The following DOCK1 variants were observed in gnomAD, a reference collection of about 807,000 sequenced individuals.
The protein encoded by DOCK1 is dedicator of cytokinesis 1.
Under a neutral mutation model 262.7 loss-of-function variants are expected in DOCK1, and 138 were observed. The ratio of observed to expected loss-of-function variants is 0.53; its 90% CI spans 0.46 to 0.61. DOCK1 has a LOEUF of 0.61. Ranked by LOEUF, DOCK1 falls within the 20% of genes least tolerant of loss-of-function variation. DOCK1 has a pLI of 0.00. For missense variants in DOCK1, 1,908 were observed against 2,370.7 expected (o/e 0.80, Z 4.05); for synonymous variants, 866 against 867.4 (o/e 1.00, Z 0.03).
intron 28 of DOCK1, among the ~76,000 whole-genome samples, chr10:127,252,570 G>T (rs1395287436): frequency 6.7e-6 from 1 of 149,898 alleles, no homozygotes; most frequent in Non-Finnish European, 1.5e-5. Context: ...TGTATAAGGT[G>T]TAAGGAAGGG....
chr10:127,129,077 T>C (rs1162287742), intron 27 of DOCK1, among the ~76,000 whole-genome samples: 4 of 152,120 alleles, frequency 2.6e-5, no homozygotes, highest in African/African-American at 9.7e-5. Context: ...TTGGACAGCA[T>C]AGTCAGAACG....
chr10:126,928,105 G>A (rs985720842), intron 1 of DOCK1, among the ~76,000 whole-genome samples: 15 of 152,302 alleles, frequency 9.8e-5, no homozygotes, highest in African/African-American at 3.4e-4. Flanking sequence ...GCCTCGTGTC[G>A]CTCGTTGGAG....
chr10:126,979,341 A>C (rs2134801377), intron 3 of DOCK1, among the ~76,000 whole-genome samples: 1 of 152,240 alleles, frequency 6.6e-6, no homozygotes, highest in Non-Finnish European at 1.5e-5. Flanking sequence ...TGCTGGTCAT[A>C]ATGAGTGAGA....
At chr10:127,351,197 C>T (rs538219406) in intron 31 of DOCK1, among the ~76,000 whole-genome samples, 3 of 152,226 alleles carry the variant, frequency 2.0e-5, no homozygotes, top group African/African-American at 4.8e-5. Context: ...TCTCCCTGGA[C>T]GATAGGAAGT....
At chr10:127,240,775 T>C (rs1314113564) in intron 27 of DOCK1, among the ~76,000 whole-genome samples, 2 of 152,170 alleles carry the variant, frequency 1.3e-5, no homozygotes, top group African/African-American at 4.8e-5. Flanking sequence ...TGAAAACACA[T>C]GTGTGAGAAA....
intron 38 of DOCK1, among the ~76,000 whole-genome samples, chr10:127,397,540 A>G (rs111865794): frequency 1.4e-5 from 2 of 146,622 alleles, no homozygotes; most frequent in South Asian, 2.2e-4. Context: ...GGTGTCTCCT[A>G]TGTGATCTGA....
chr10:127,409,206 C>T, intron 41 of DOCK1, 28 bp downstream of exon 41: 1 of 1,612,886 alleles, frequency 6.2e-7, no homozygotes, highest in Non-Finnish European at 8.5e-7. Flanking sequence ...CTCATCAACT[C>T]TGAAACCATG....
Position 127,012,136 on chromosome 10 carries a change from C to T in DOCK1, c.1059-96C>T, listed in dbSNP as rs536436185. ...ACTCATGATGCCTCCCTCTCGCACT[C>T]GGTGACGATGATCTCTTATGTTCCC... is the stretch of plus-strand genomic sequence containing the variant. On this transcript the variant is annotated intron_variant, in intron 11 of 51. Transcript: ENST00000623213. The surrounding 1 kb of genome is among the most constrained non-coding windows in gnomAD (Gnocchi z 4.0). 146 of 681,266 alleles carry T rather than the reference C, an allele frequency of 2.1e-4. No individual in the cohort carries two copies. The highest frequency in any genetic ancestry group is 3.5e-4 in the Non-Finnish European group (131 of 375,042). 42.2% of individuals were successfully genotyped at this position (681,266 alleles called of 1,614,324 possible). A position where few individuals can be genotyped will look rare whatever the true frequency, so the allele number is the denominator to read the frequency against.
chr10:127,362,856 T>C (rs78408560), intron 33 of DOCK1, among the ~76,000 whole-genome samples: 1,153 of 5,258 alleles, frequency 0.22, 161 homozygotes, highest in Middle Eastern at 0.3. Flanking sequence ...CACACACATG[T>C]ACATCCCCAC....
intron 27 of DOCK1, 29 bp from the exon 28 acceptor site, chr10:127,247,979 T>C (rs2059488399): frequency 6.2e-7 from 1 of 1,606,328 alleles, no homozygotes; most frequent in South Asian, 1.1e-5. Flanking sequence ...CTCTGTCTCA[T>C]CTAATTCTAT....
At chr10:127,168,496 G>A (rs550767899) in intron 27 of DOCK1, among the ~76,000 whole-genome samples, 1 of 152,212 alleles carries the variant, frequency 6.6e-6, no homozygotes, top group African/African-American at 2.4e-5. Context: ...AGGGAACACG[G>A]CACTCAGTAT....
intron 33 of DOCK1, among the ~76,000 whole-genome samples, chr10:127,362,507 T>C (rs150130943): frequency 1.1e-4 from 16 of 152,376 alleles, no homozygotes; most frequent in Admixed American, 3.9e-4. Context: ...CACTTCTTGG[T>C]ACGTGCTCTT....
At chr10:127,381,389 C>T (rs6482833) in intron 37 of DOCK1, 21 bp downstream of exon 37, 91,150 of 1,588,678 alleles carry the variant, frequency 0.057, 2,840 homozygotes, top group Middle Eastern at 0.071. Flanking sequence ...TTACCAGTCA[C>T]CTTGATGATT....
intron 27 of DOCK1, among the ~76,000 whole-genome samples, chr10:127,242,647 TTTG>T (rs1021916366): frequency 1.3e-5 from 2 of 152,198 alleles, no homozygotes; most frequent in Non-Finnish European, 2.9e-5. Flanking sequence ...TTATGTTTTT[TTTG>T]TTGTTGTTGT....
chr10:126,982,028 G>GA, intron 4 of DOCK1, 55 bp downstream of exon 4: 2 of 1,587,520 alleles, frequency 1.3e-6, no homozygotes, highest in Non-Finnish European at 1.7e-6. Context: ...ATTTGGCCTT[G>GA]CTGCTCTTTT....
chr10:127,247,788 T>G (rs2059481063), intron 27 of DOCK1, among the ~76,000 whole-genome samples: 1 of 152,178 alleles, frequency 6.6e-6, no homozygotes, highest in Non-Finnish European at 1.5e-5. Context: ...TTCAACTTGA[T>G]ATTCTAAGGA....
At position 127,012,218 on chromosome 10, in the gene DOCK1, C is replaced by A; in HGVS notation, c.1059-14C>A. The A allele has an allele frequency of 6.9e-7, 1 of 1,458,676 alleles. No individual in the cohort carries two copies. The highest frequency in any genetic ancestry group is 1.4e-5 in the African/African-American group (1 of 71,870). The allele number at this position is 1,458,676 out of a possible 1,614,324, so 90.4% of individuals were successfully genotyped here. On this transcript the variant is annotated splice_polypyrimidine_tract_variant and intron_variant, in intron 11 of 51. Coordinates refer to ENST00000623213, the MANE Select transcript of DOCK1 (RefSeq NM_001290223.2). This position sits in a 1 kb window ranked among gnomAD's most constrained non-coding sequence, Gnocchi z 4.0. ...CTTTGTCTCCTGTGGTCTTGGTCGT[C>A]CCGTGCCCTCCAGGCTCGCGTTGGA...
At chr10:127,173,546 A>G (rs1020866194) in intron 27 of DOCK1, among the ~76,000 whole-genome samples, 2 of 152,168 alleles carry the variant, frequency 1.3e-5, no homozygotes, top group Non-Finnish European at 2.9e-5. Flanking sequence ...TCCTGTGAGT[A>G]TGCACATTAG....
At chr10:127,111,437 AAGTC>A (rs1163035462) in intron 25 of DOCK1, among the ~76,000 whole-genome samples, 2 of 152,162 alleles carry the variant, frequency 1.3e-5, no homozygotes, top group African/African-American at 4.8e-5. Context: ...TCATAAAAGA[AAGTC>A]AGTTCTCACC....
Sources: allele counts gnomAD v4.1 joint callset (sites outside exome capture counted in the v4.1 genomes callset), GRCh38; gene constraint gnomAD v4.1.1; non-coding constraint Gnocchi (gnomAD v3.1); transcripts MANE v1.5; gene names NCBI Gene and HGNC (gene_info 2026-07-23, HGNC 2026-07-21).